Variants in FAM168A observed in about 807,000 individuals in gnomAD.
FAM168A encodes the protein family with sequence similarity 168 member A.
In FAM168A, 3 loss-of-function variants were observed where a neutral mutation model predicts 28.5. The observed-to-expected ratio is 0.11, with a 90% confidence interval of 0.05 to 0.27. The LOEUF is 0.27. Ranked by LOEUF, FAM168A falls within the 10% of genes least tolerant of loss-of-function variation. The probability of loss-of-function intolerance (pLI) is 1.00; values close to 1 mark genes in which losing one functional copy is unlikely to be tolerated. For missense variants in FAM168A, 222 were observed against 311.5 expected (o/e 0.71, Z 2.16); for synonymous variants, 122 against 124.2 (o/e 0.98, Z 0.12).
intron 1 of FAM168A, among the ~76,000 whole-genome samples, chr11:73,545,496 A>T (rs1013944952): frequency 6.6e-6 from 1 of 152,040 alleles, no homozygotes; most frequent in African/African-American, 2.4e-5. Context: ...TAGGTAACGA[A>T]AATATTCTAA....
At chr11:73,535,458 G>A (rs905555923) in intron 1 of FAM168A, among the ~76,000 whole-genome samples, 6 of 138,832 alleles carry the variant, frequency 4.3e-5, no homozygotes, top group East Asian at 2.1e-4. Flanking sequence ...TTGTTCTGTC[G>A]CCCAGGCTGG....
chr11:73,435,738 A>C (rs548991580), intron 2 of FAM168A, among the ~76,000 whole-genome samples: 33 of 152,324 alleles, frequency 2.2e-4, no homozygotes, highest in Non-Finnish European at 3.7e-4. Context: ...GCTTGAGCTC[A>C]GGATCTCTAC....
chr11:73,469,740 G>A (rs917576560), intron 1 of FAM168A, among the ~76,000 whole-genome samples: 11 of 151,978 alleles, frequency 7.2e-5, no homozygotes, highest in Non-Finnish European at 1.5e-5. Flanking sequence ...GAAGATGAAA[G>A]TTAAAGGAGT....
rs141230548 is a variant in FAM168A, at chr11:73,493,536, C to G, written c.-18-25044G>C. Among the ~76,000 whole-genome samples the G allele has an allele frequency of 1.4e-3, 211 of 152,294 alleles. 3 individuals are homozygous for G. The East Asian group carries it at 0.023, about 17-fold the overall frequency. ...CAAGTGATCCTCCCAAGGCCTCAGCCTCCTAAGTAGCTGGGTCTACCGACG... is the reference window on the plus strand; with the variant it reads ...CAAGTGATCCTCCCAAGGCCTCAGCGTCCTAAGTAGCTGGGTCTACCGACG... On this transcript the variant is annotated intron_variant, in intron 1 of 7. Coordinates refer to ENST00000356467, the MANE Select transcript of FAM168A (RefSeq NM_015159.3).
At chr11:73,496,173 C>A (rs1854868802) in intron 1 of FAM168A, among the ~76,000 whole-genome samples, 1 of 152,162 alleles carries the variant, frequency 6.6e-6, no homozygotes, top group Admixed American at 6.5e-5. Flanking sequence ...CTACAATATG[C>A]ATGAATCTTG....
intron 1 of FAM168A, among the ~76,000 whole-genome samples, chr11:73,474,271 A>G (rs1195604014): frequency 6.6e-6 from 1 of 152,168 alleles, no homozygotes; most frequent in African/African-American, 2.4e-5. Context: ...TTCTTGCTAT[A>G]TCATCCCATG....
intron 1 of FAM168A, among the ~76,000 whole-genome samples, chr11:73,494,264 T>A (rs551549491): frequency 6.6e-6 from 1 of 152,190 alleles, no homozygotes; most frequent in Admixed American, 6.5e-5. Context: ...AGTGACTCAC[T>A]CAAAGTCACA....
chr11:73,518,226 A>G (rs978496944), intron 1 of FAM168A, among the ~76,000 whole-genome samples: 1 of 152,200 alleles, frequency 6.6e-6, no homozygotes, highest in Non-Finnish European at 1.5e-5. Context: ...GAAGATATGC[A>G]GTACCCAGCT....
intron 2 of FAM168A, among the ~76,000 whole-genome samples, chr11:73,466,102 A>G (rs752249649): frequency 1.3e-5 from 2 of 152,044 alleles, no homozygotes; most frequent in Non-Finnish European, 2.9e-5. Flanking sequence ...AGTGTTTCCA[A>G]CTCCTCTGTT....
chr11:73,417,887 A>G (rs998413767), intron 4 of FAM168A, among the ~76,000 whole-genome samples: 3 of 152,038 alleles, frequency 2.0e-5, no homozygotes, highest in African/African-American at 7.2e-5. Context: ...GAGTAAAATC[A>G]ATCTCATGAG....
Position 73,400,828 on chromosome 11 carries a change from T to C in FAM168A, c.*5935A>G, listed in dbSNP as rs1017132657. ...GGGGAATTTTTTTTTTTAATAGTTA[T>C]TGAGTGTTCTACAGCTTACAGTAAA... On this transcript the variant is annotated 3_prime_UTR_variant, in exon 8 of 8. Transcript: ENST00000356467. The C allele has an allele frequency of 6.6e-6, 1 of 152,016 alleles. No homozygotes were observed. Among genetic ancestry groups the C allele is most frequent in the African/African-American group, 2.4e-5 (1 of 41,406 alleles). 9.4% of individuals were successfully genotyped at this position (152,016 alleles called of 1,614,324 possible). A position where few individuals can be genotyped will look rare whatever the true frequency, so the allele number is the denominator to read the frequency against.
intron 1 of FAM168A, among the ~76,000 whole-genome samples, chr11:73,475,025 T>C (rs953645702): frequency 1.3e-5 from 2 of 152,174 alleles, no homozygotes; most frequent in African/African-American, 4.8e-5. Flanking sequence ...AGATTCCTCC[T>C]GGTGAAGCTG....
At chr11:73,475,653 A>G (rs1308978180) in intron 1 of FAM168A, among the ~76,000 whole-genome samples, 2 of 151,546 alleles carry the variant, frequency 1.3e-5, no homozygotes, top group African/African-American at 4.9e-5. Context: ...AAAAAAAACC[A>G]TTTTGGGCCA....
Position 73,555,521 on chromosome 11 carries a change from A to G in FAM168A, c.-19+42402T>C, listed in dbSNP as rs149531511. On this transcript the variant is annotated intron_variant, in intron 1 of 7. Coordinates refer to ENST00000356467, the MANE Select transcript of FAM168A (RefSeq NM_015159.3). ...GGAGCTCGAGACCAGCCTGGCGAAC[A>G]TGGCGAAACCCCATCTCTACTAAAA... is the stretch of plus-strand genomic sequence containing the variant. Among the ~76,000 whole-genome samples the G allele has an allele frequency of 7.3e-3, 1,110 of 152,152 alleles. 13 individuals carry two copies. The highest frequency in any genetic ancestry group is 0.011 in the Non-Finnish European group (765 of 67,986).
At chr11:73,546,065 A>C (rs1232220533) in intron 1 of FAM168A, among the ~76,000 whole-genome samples, 2 of 152,192 alleles carry the variant, frequency 1.3e-5, no homozygotes, top group African/African-American at 4.8e-5. Flanking sequence ...TACTGAGCAT[A>C]CTTAAGACCT....
At position 73,430,776 on chromosome 11, in the gene FAM168A, G is replaced by C. The variant is rs774656012; in HGVS notation, c.71-6C>G. 7.0e-6 allele frequency: 11 copies of C among 1,581,160 alleles called. No homozygotes were observed. In the Admixed American group the frequency reaches 2.1e-4, roughly 31 times the overall value. ...TGGATAGGCTGTGGGGTAACCTACA[G>C]AGAGATAAGAAAAGGCTTATTTAGT... On this transcript the variant is annotated splice_region_variant and splice_polypyrimidine_tract_variant and intron_variant, in intron 2 of 7. Coordinates refer to ENST00000356467, the MANE Select transcript of FAM168A (RefSeq NM_015159.3).
chr11:73,481,338 G>A (rs1308501919), intron 1 of FAM168A, among the ~76,000 whole-genome samples: 1 of 152,184 alleles, frequency 6.6e-6, no homozygotes, highest in Non-Finnish European at 1.5e-5. Context: ...CCCCATGAGA[G>A]CAGTTTTGTC....
At chr11:73,525,283 A>T (rs1302206150) in intron 1 of FAM168A, among the ~76,000 whole-genome samples, 2 of 152,226 alleles carry the variant, frequency 1.3e-5, no homozygotes, top group African/African-American at 4.8e-5. Flanking sequence ...CACTGTAACA[A>T]GACAAAATGC....
intron 2 of FAM168A, among the ~76,000 whole-genome samples, chr11:73,432,949 T>A (rs899954514): frequency 7.2e-5 from 11 of 152,238 alleles, no homozygotes; most frequent in South Asian, 6.2e-4. Flanking sequence ...TCTTGTTCTA[T>A]TACCCAGGAT....
Sources: gnomAD v4.1 joint callset for allele counts (sites outside exome capture counted in the v4.1 genomes callset) on GRCh38, gnomAD v4.1.1 for gene constraint, MANE v1.5 for transcripts, NCBI Gene and HGNC (gene_info 2026-07-23, HGNC 2026-07-21) for gene names.